Variants in PAXIP1 observed in about 807,000 individuals in gnomAD.
PAXIP1 encodes the protein PAX-interacting protein 1.
Under a neutral mutation model 140.6 loss-of-function variants are expected in PAXIP1, and 19 were observed. The ratio of observed to expected loss-of-function variants is 0.14; its 90% CI spans 0.09 to 0.20. The LOEUF (loss-of-function observed/expected upper bound fraction) is 0.20, where lower values mean the gene tolerates loss of function less well. Among genes scored for constraint, PAXIP1 ranks in the 10% least tolerant of loss-of-function variants. PAXIP1 has a pLI of 1.00. For missense variants in PAXIP1, 920 were observed against 1,208.6 expected (o/e 0.76, Z 3.54); for synonymous variants, 442 against 444.6 (o/e 0.99, Z 0.07).
intron 2 of PAXIP1, among the ~76,000 whole-genome samples, chr7:154,995,587 T>C (rs61632801): frequency 0.03 from 4,509 of 152,348 alleles, 204 homozygotes; most frequent in African/African-American, 0.1. Flanking sequence ...CGATGGCTCA[T>C]GCCTGTAATC....
intron 16 of PAXIP1, among the ~76,000 whole-genome samples, chr7:154,953,872 A>G (rs1287393524): frequency 6.6e-6 from 1 of 152,208 alleles, no homozygotes; most frequent in African/African-American, 2.4e-5. Context: ...ATAAACTGAT[A>G]TTCAAAGTGT....
In PAXIP1 at chr7:154,954,516, G is replaced by T; in HGVS notation, c.2653-93C>A. On this transcript the variant is annotated intron_variant, in intron 15 of 20. Coordinates refer to ENST00000404141, the MANE Select transcript of PAXIP1 (RefSeq NM_007349.4). The surrounding 1 kb of genome is among the most constrained non-coding windows in gnomAD (Gnocchi z 5.1). ...TAACACAGAGGAATATCTACCTAAA[G>T]ACAAGGTTTATGACTGTAATTCTCA... 1.2e-6 allele frequency: 1 copy of T among 845,088 alleles called. No individual in the cohort carries two copies. Among genetic ancestry groups the T allele is most frequent in the Non-Finnish European group, 1.6e-6 (1 of 614,322 alleles). 52.3% of individuals were successfully genotyped at this position (845,088 alleles called of 1,614,324 possible).
chr7:154,946,782 C>A lies in PAXIP1; in HGVS notation c.2954G>T (p.Cys985Phe). 2 of 1,609,280 alleles carry A rather than the reference C, an allele frequency of 1.2e-6. No individual in the cohort carries two copies. The highest frequency in any genetic ancestry group is 2.2e-5 in the South Asian group (2 of 90,562). Residue 985 changes from cysteine (C) to phenylalanine (F), a missense_variant, in exon 18 of 21, where the codon TGC becomes TTC. Cys to Phe is a radical substitution (Grantham distance 205). Coordinates refer to ENST00000404141, the MANE Select transcript of PAXIP1 (RefSeq NM_007349.4). The surrounding 1 kb of genome is among the most constrained non-coding windows in gnomAD (Gnocchi z 4.9). ...AKYFYITPGICPSLSTMKAIV... is the reference protein window; with the variant it reads ...AKYFYITPGIFPSLSTMKAIV... ...TGCCTTCATAGTGGAAAGACTTGGG[C>A]AGATTCCAGGTGTGATGTAAAAATA... is the stretch of plus-strand genomic sequence containing the variant.
chr7:154,960,145 G>A (rs1221842112), intron 12 of PAXIP1, among the ~76,000 whole-genome samples: 1 of 152,220 alleles, frequency 6.6e-6, no homozygotes, highest in African/African-American at 2.4e-5. Context: ...CATGCTGTCT[G>A]GATGAAGTAG....
intron 16 of PAXIP1, chr7:154,950,048 A>G (rs888007867): frequency 6.6e-6 from 1 of 152,254 alleles, no homozygotes; most frequent in Non-Finnish European, 1.5e-5. Flanking sequence ...CAACCTGAAC[A>G]TTAAACTTTT....
intron 6 of PAXIP1, among the ~76,000 whole-genome samples, chr7:154,972,941 CGACTGTGT>C: frequency 6.6e-6 from 1 of 152,334 alleles, no homozygotes; most frequent in Non-Finnish European, 1.5e-5. Context: ...GCTCTCAGGA[CGACTGTGT>C]GATCGTCACT....
intron 4 of PAXIP1, among the ~76,000 whole-genome samples, chr7:154,990,390 T>A (rs1246598070): frequency 6.6e-6 from 1 of 152,086 alleles, no homozygotes; most frequent in Non-Finnish European, 1.5e-5. Flanking sequence ...GAAAACGAAA[T>A]GAGTATTTTA....
At chr7:154,988,324 G>A (rs182598990) in intron 4 of PAXIP1, among the ~76,000 whole-genome samples, 1 of 152,054 alleles carries the variant, frequency 6.6e-6, no homozygotes, top group East Asian at 1.9e-4. Flanking sequence ...GGCTTCCCTC[G>A]CCTCGCAATC....
chr7:154,973,165 T>G lies in PAXIP1; in HGVS notation c.1074+2531A>C, dbSNP rs2150762714. 6.6e-6 allele frequency among the ~76,000 whole-genome samples: 1 copy of G among 152,302 alleles called. No homozygotes were observed. The highest frequency in any genetic ancestry group is 2.4e-5 in the African/African-American group (1 of 41,580). ...GGACAATCCCTGGCCTTGCAGCTCT[T>G]GGACCTCCTCATCTTGGTGGCCTTC... On this transcript the variant is annotated intron_variant, in intron 6 of 20. Transcript: ENST00000404141. The surrounding 1 kb of genome is among the most constrained non-coding windows in gnomAD (Gnocchi z 4.0).
intron 16 of PAXIP1, chr7:154,952,097 T>G (rs1255202885): frequency 6.6e-6 from 1 of 152,262 alleles, no homozygotes; most frequent in Non-Finnish European, 1.5e-5. Context: ...ATGTTCTTCT[T>G]CTGCCTTCAT....
chr7:154,974,990 C>A (rs963391608), intron 6 of PAXIP1, among the ~76,000 whole-genome samples: 274 of 121,950 alleles, frequency 2.2e-3, no homozygotes, highest in Middle Eastern at 4.2e-3. Context: ...ACTAAAAATA[C>A]AAAAAAAAAA....
intron 4 of PAXIP1, among the ~76,000 whole-genome samples, chr7:154,989,727 T>C (rs1810237191): frequency 1.3e-5 from 2 of 152,198 alleles, no homozygotes; most frequent in Admixed American, 6.5e-5. Flanking sequence ...AACTAACCAC[T>C]GTTAACATTT....
chr7:154,990,018 C>T (rs532958893), intron 4 of PAXIP1, among the ~76,000 whole-genome samples: 1 of 149,492 alleles, frequency 6.7e-6, no homozygotes, highest in African/African-American at 2.5e-5. Flanking sequence ...GTCCTTCTAT[C>T]GACTTGGGAT....
At chr7:154,966,109 T>C (rs911732280) in intron 8 of PAXIP1, among the ~76,000 whole-genome samples, 5 of 152,212 alleles carry the variant, frequency 3.3e-5, no homozygotes, top group Admixed American at 1.3e-4. Context: ...TAAGAAAGAA[T>C]ATAAGGGAGG....
chr7:155,003,163 C>A (rs1470063001), upstream of PAXIP1: 1 of 150,824 alleles, frequency 6.6e-6, no homozygotes, highest in African/African-American at 2.4e-5. Flanking sequence ...CACCATCCCG[C>A]CCCGGCCACC....
intron 8 of PAXIP1, chr7:154,964,004 A>C: frequency 2.1e-6 from 1 of 472,052 alleles, no homozygotes; most frequent in Non-Finnish European, 3.9e-6. Context: ...GAGAAGAACA[A>C]TGGAATGCAC....
chr7:154,975,420 A>G (rs1288007037), intron 6 of PAXIP1, among the ~76,000 whole-genome samples: 1 of 152,164 alleles, frequency 6.6e-6, no homozygotes. Flanking sequence ...AACGGATAGT[A>G]CTCCATCACT....
chr7:154,947,930 T>C lies in PAXIP1; in HGVS notation c.2895A>G (p.Lys965=), dbSNP rs1486730722. The C allele has an allele frequency of 6.2e-7, 1 of 1,612,574 alleles. No individual in the cohort carries two copies. Among genetic ancestry groups the C allele is most frequent in the East Asian group, 2.2e-5 (1 of 44,862 alleles). The change falls in exon 17 of 21, where the codon AAA becomes AAG. Residue 965 remains lysine, a synonymous_variant. Coordinates refer to ENST00000404141, the MANE Select transcript of PAXIP1 (RefSeq NM_007349.4). ...LFSFSLEESL[K]RAHVSPLFKA... Reference sequence around the variant, plus strand: ...TAAAGAGTGGAGAAACGTGTGCCCGTTTTAAGGATTCTTCCAAGCTGAAAG... The same window carrying C: ...TAAAGAGTGGAGAAACGTGTGCCCGCTTTAAGGATTCTTCCAAGCTGAAAG...
intron 6 of PAXIP1, among the ~76,000 whole-genome samples, chr7:154,974,911 G>A (rs567422599): frequency 7.9e-5 from 12 of 151,518 alleles, no homozygotes; most frequent in African/African-American, 2.4e-4. Flanking sequence ...CTGGGAGGCC[G>A]AGGTGGGTGG....
Sources: allele counts gnomAD v4.1 joint callset (sites outside exome capture counted in the v4.1 genomes callset), GRCh38; gene constraint gnomAD v4.1.1; non-coding constraint Gnocchi (gnomAD v3.1); transcripts MANE v1.5; gene names NCBI Gene and HGNC (gene_info 2026-07-23, HGNC 2026-07-21).